BCAS1: variants seen among roughly 807,000 people sequenced by gnomAD.
The protein encoded by BCAS1 is brain enriched myelin associated protein 1, also known as breast carcinoma-amplified sequence 1.
BCAS1 carries 46 observed loss-of-function variants against 65.4 expected under a neutral mutation model. The ratio of observed to expected loss-of-function variants is 0.70; its 90% CI spans 0.55 to 0.90. The LOEUF (loss-of-function observed/expected upper bound fraction) is 0.90. Ranked by LOEUF, BCAS1 falls within the 40% of genes least tolerant of loss-of-function variation. The pLI, the probability that BCAS1 is intolerant of heterozygous loss-of-function variation, is 0.00. For synonymous variants in BCAS1, 298 were observed against 293.5 expected (o/e 1.02, Z -0.16); for missense variants, 793 against 771.2 (o/e 1.03, Z -0.33).
At chr20:53,960,028 G>A (rs1025823655) in intron 10 of BCAS1, among the ~76,000 whole-genome samples, 3 of 152,156 alleles carry the variant, frequency 2.0e-5, no homozygotes, top group African/African-American at 7.2e-5. Context: ...TGTGTCGTAA[G>A]AGCCCTTCCT....
At chr20:54,029,143 C>G (rs1403796020) in intron 3 of BCAS1, 171 bp from the exon 4 acceptor site, 1 of 985,250 alleles carries the variant, frequency 1.0e-6, no homozygotes, top group Non-Finnish European at 1.2e-6. Context: ...TTGGACCCTG[C>G]TTTTCTTGGG....
At chr20:54,053,785 C>T (rs1018291149) in intron 3 of BCAS1, among the ~76,000 whole-genome samples, 2 of 152,220 alleles carry the variant, frequency 1.3e-5, no homozygotes, top group Admixed American at 1.3e-4. Flanking sequence ...CCCAAGCTCA[C>T]ATATTGGAGC....
chr20:53,991,441 G>A (rs1047521846), intron 7 of BCAS1, among the ~76,000 whole-genome samples: 4 of 152,146 alleles, frequency 2.6e-5, no homozygotes, highest in Admixed American at 6.5e-5. Context: ...ATACAATCCC[G>A]GGACTGTGAC....
At chr20:54,043,260 A>C (rs927492363) in intron 3 of BCAS1, among the ~76,000 whole-genome samples, 1 of 152,160 alleles carries the variant, frequency 6.6e-6, no homozygotes, top group Non-Finnish European at 1.5e-5. Context: ...AATTGGTTAC[A>C]GGATTTCAAT....
intron 9 of BCAS1, among the ~76,000 whole-genome samples, chr20:53,969,264 C>A (rs572026814): frequency 6.6e-6 from 1 of 152,048 alleles, no homozygotes; most frequent in Non-Finnish European, 1.5e-5. Context: ...ACCATGCACT[C>A]AATTAATGCT....
At chr20:54,040,974 ATAATAGAG>A (rs1210836647) in intron 3 of BCAS1, among the ~76,000 whole-genome samples, 1 of 151,458 alleles carries the variant, frequency 6.6e-6, no homozygotes, top group Non-Finnish European at 1.5e-5. Context: ...GCATTTGCAT[ATAATAGAG>A]TATTAATCAG....
intron 4 of BCAS1, among the ~76,000 whole-genome samples, chr20:54,012,296 C>T (rs1239269851): frequency 1.3e-5 from 2 of 152,006 alleles, no homozygotes; most frequent in South Asian, 4.2e-4. Context: ...TATGCAGTAT[C>T]CTTGTGGGGA....
At chr20:53,966,539 C>T (rs1313545625) in intron 10 of BCAS1, among the ~76,000 whole-genome samples, 6 of 152,056 alleles carry the variant, frequency 3.9e-5, no homozygotes, top group African/African-American at 7.3e-5. Flanking sequence ...GCACACTGCT[C>T]GGGTGACAGG....
At chr20:54,060,210 C>T (rs2092359161) in intron 1 of BCAS1, among the ~76,000 whole-genome samples, 1 of 152,178 alleles carries the variant, frequency 6.6e-6, no homozygotes, top group Non-Finnish European at 1.5e-5. Context: ...TATAAGGACC[C>T]AATGAGTTAA....
At chr20:53,992,215 A>C (rs1034443889) in intron 7 of BCAS1, among the ~76,000 whole-genome samples, 1 of 152,232 alleles carries the variant, frequency 6.6e-6, no homozygotes, top group Non-Finnish European at 1.5e-5. Flanking sequence ...ATAATAGTAC[A>C]TCTAACAAAA....
chr20:54,002,798 T>G (rs958317829), intron 4 of BCAS1, among the ~76,000 whole-genome samples: 6 of 152,238 alleles, frequency 3.9e-5, no homozygotes, highest in African/African-American at 1.4e-4. Context: ...TAGACTGATA[T>G]TCAATTGAGT....
intron 10 of BCAS1, among the ~76,000 whole-genome samples, chr20:53,961,276 T>A (rs1461808905): frequency 6.6e-6 from 1 of 152,224 alleles, no homozygotes; most frequent in Non-Finnish European, 1.5e-5. Context: ...CAAACACAAT[T>A]GACATTTAAA....
chr20:53,947,964 A>AGCACC (rs2089383854), intron 12 of BCAS1, among the ~76,000 whole-genome samples: 1 of 152,164 alleles, frequency 6.6e-6, no homozygotes, highest in African/African-American at 2.4e-5. Context: ...CTGTGACGTC[A>AGCACC]GCACCATTCA....
In BCAS1 at chr20:54,058,170, T is replaced by C. The variant is rs570139922; in HGVS notation, c.73-16A>G. 6.2e-7 allele frequency: 1 copy of C among 1,612,578 alleles called. No homozygotes were observed. The highest frequency in any genetic ancestry group is 1.1e-5 in the South Asian group (1 of 90,960). On this transcript the variant is annotated splice_polypyrimidine_tract_variant and intron_variant, in intron 2 of 12. Coordinates refer to ENST00000688948, the MANE Select transcript of BCAS1 (RefSeq NM_001366298.2). The stretch of plus-strand genomic sequence containing the variant: ...ACGCGTTGTCCTGAAACAGAGCACG[T>C]GGCATTGTGAGACAAATCTTCGGGG...
intron 3 of BCAS1, among the ~76,000 whole-genome samples, chr20:54,047,785 A>G (rs1249242997): frequency 6.6e-6 from 1 of 152,228 alleles, no homozygotes; most frequent in African/African-American, 2.4e-5. Flanking sequence ...CACTCCACAG[A>G]GTGGGAGCAG....
chr20:53,967,699 C>T (rs533313866), intron 9 of BCAS1, among the ~76,000 whole-genome samples: 33 of 152,332 alleles, frequency 2.2e-4, no homozygotes, highest in Admixed American at 5.2e-4. Context: ...AAGTTGTTCG[C>T]GGCCCTGGCC....
At chr20:53,986,751 G>T (rs2090625450) in intron 7 of BCAS1, among the ~76,000 whole-genome samples, 1 of 152,092 alleles carries the variant, frequency 6.6e-6, no homozygotes, top group Non-Finnish European at 1.5e-5. Flanking sequence ...TAAAAAATTA[G>T]CTGGGCATGG....
intron 9 of BCAS1, among the ~76,000 whole-genome samples, chr20:53,972,482 G>C (rs2145674236): frequency 6.6e-6 from 1 of 152,312 alleles, no homozygotes; most frequent in South Asian, 2.1e-4. Context: ...CTGCCAATCA[G>C]TGTTTCTGTT....
At chr20:54,052,589 G>C (rs2092235375) in intron 3 of BCAS1, among the ~76,000 whole-genome samples, 1 of 152,156 alleles carries the variant, frequency 6.6e-6, no homozygotes, top group African/African-American at 2.4e-5. Flanking sequence ...CCACATAAAT[G>C]GAATTATAGA....
Sources: allele counts gnomAD v4.1 joint callset (sites outside exome capture counted in the v4.1 genomes callset), GRCh38; gene constraint gnomAD v4.1.1; transcripts MANE v1.5; gene names NCBI Gene and HGNC (gene_info 2026-07-23, HGNC 2026-07-21).